Variants in PINX1 observed in about 807,000 individuals in gnomAD.
PINX1 encodes the protein PIN2/TERF1-interacting telomerase inhibitor 1.
A neutral mutation model predicts 25.4 loss-of-function variants in PINX1; 34 were observed. The observed-to-expected ratio is 1.34, with a 90% CI of 1.02 to 1.78. The LOEUF (loss-of-function observed/expected upper bound fraction) is 1.78, where lower values mean the gene tolerates loss of function less well. Ranked by LOEUF, PINX1 falls within the 40% of genes most tolerant of loss-of-function variation. The probability of loss-of-function intolerance (pLI) is 0.00; values close to 1 mark genes in which losing one functional copy is unlikely to be tolerated. For missense variants in PINX1, 592 were observed against 404.9 expected (o/e 1.46, Z -3.97); for synonymous variants, 197 against 147.7 (o/e 1.33, Z -2.42).
rs750637295 is a variant in PINX1, at chr8:10,765,801, G to A, written c.587C>T (p.Pro196Leu). The change falls in exon 7 of 7, where the codon CCA becomes CTA. Residue 196 changes from proline (P) to leucine (L), a missense_variant. By Grantham distance (98) the Pro-to-Leu change is moderately conservative. Transcript: ENST00000314787. ...CTCAGAAATGTCAGACCCTGGAACTGGAACCTGGGGCTTGTTCTTCAGTGC... is the reference window on the plus strand; with the variant it reads ...CTCAGAAATGTCAGACCCTGGAACTAGAACCTGGGGCTTGTTCTTCAGTGC... ...MAALKNKPQV[P>L]VPGSDISETQ... 3 of 1,613,934 alleles carry A rather than the reference G, an allele frequency of 1.9e-6. No individual in the cohort carries two copies. In the South Asian group the frequency reaches 3.3e-5, roughly 18 times the overall value.
In PINX1 at chr8:10,820,062, T is replaced by C. The variant is rs993509327; in HGVS notation, c.471+131A>G. On this transcript the variant is annotated intron_variant, in intron 6 of 6. Transcript: ENST00000314787. Reference sequence around the variant, plus strand: ...TATGAAAAGGATCATATCTAGGCTGTGCATGAAGCCTCCAAAGTGTTTTGG... The same window carrying C: ...TATGAAAAGGATCATATCTAGGCTGCGCATGAAGCCTCCAAAGTGTTTTGG... The C allele has an allele frequency of 4.4e-6, 3 of 682,132 alleles. No individual in the cohort carries two copies. In the Admixed American group the frequency reaches 6.3e-5, roughly 14 times the overall value. 42.3% of individuals were successfully genotyped at this position (682,132 alleles called of 1,614,324 possible). A position where few individuals can be genotyped will look rare whatever the true frequency, so the allele number is the denominator to read the frequency against.
At chr8:10,770,862 G>C (rs907031429) in intron 6 of PINX1, among the ~76,000 whole-genome samples, 1 of 152,164 alleles carries the variant, frequency 6.6e-6, no homozygotes, top group African/African-American at 2.4e-5. Flanking sequence ...TAAGTGACAG[G>C]ATGATGGAAG....
chr8:10,768,903 T>C (rs1460098257), intron 6 of PINX1, among the ~76,000 whole-genome samples: 1 of 152,222 alleles, frequency 6.6e-6, no homozygotes, highest in Non-Finnish European at 1.5e-5. Flanking sequence ...AAACAAGTAT[T>C]GAGAAAACAA....
chr8:10,769,902 T>G (rs556913140), intron 6 of PINX1, among the ~76,000 whole-genome samples: 1 of 152,258 alleles, frequency 6.6e-6, no homozygotes, highest in South Asian at 2.1e-4. Flanking sequence ...ATTGACCACA[T>G]AATCCAGAGA....
chr8:10,816,295 C>T (rs544979803), intron 6 of PINX1, among the ~76,000 whole-genome samples: 1 of 152,210 alleles, frequency 6.6e-6, no homozygotes, highest in Non-Finnish European at 1.5e-5. Context: ...GAAGGGTACA[C>T]AGAACCCCTT....
At chr8:10,821,822 A>C (rs1429008965) in intron 5 of PINX1, 1 of 152,262 alleles carries the variant, frequency 6.6e-6, no homozygotes, top group Admixed American at 6.5e-5. Context: ...AATGCAAATT[A>C]AGGTCTCTTC....
intron 1 of PINX1, among the ~76,000 whole-genome samples, chr8:10,835,830 T>C (rs527336221): frequency 6.6e-6 from 1 of 152,134 alleles, no homozygotes; most frequent in Admixed American, 6.5e-5. Flanking sequence ...TATAACTGAA[T>C]TAAGGGAACT....
intron 6 of PINX1, among the ~76,000 whole-genome samples, chr8:10,812,590 A>C (rs1797561936): frequency 1.3e-5 from 2 of 152,198 alleles, no homozygotes; most frequent in African/African-American, 4.8e-5. Flanking sequence ...TCCTTTGTCC[A>C]AACTGTCACC....
At chr8:10,807,485 A>G (rs932072384) in intron 6 of PINX1, among the ~76,000 whole-genome samples, 1 of 152,066 alleles carries the variant, frequency 6.6e-6, no homozygotes, top group South Asian at 2.1e-4. Context: ...AACTCATGAA[A>G]GGATATGAAT....
intron 1 of PINX1, 98 bp downstream of exon 1, chr8:10,839,640 G>T: frequency 3.2e-6 from 4 of 1,266,286 alleles, no homozygotes; most frequent in Non-Finnish European, 4.5e-6. Flanking sequence ...CGCCAGGCGC[G>T]CCGGCAACCC....
intron 6 of PINX1, among the ~76,000 whole-genome samples, chr8:10,770,275 G>C (rs908857935): frequency 2.0e-5 from 3 of 152,180 alleles, no homozygotes; most frequent in Non-Finnish European, 4.4e-5. Context: ...TGGTTCATGG[G>C]CGTACACTGT....
chr8:10,786,084 G>A (rs1801738872), intron 6 of PINX1, among the ~76,000 whole-genome samples: 1 of 152,204 alleles, frequency 6.6e-6, no homozygotes, highest in South Asian at 2.1e-4. Flanking sequence ...GGATCCACTA[G>A]TGCCTTTGGT....
chr8:10,823,570 G>A (rs533818854), intron 5 of PINX1, among the ~76,000 whole-genome samples: 1 of 151,984 alleles, frequency 6.6e-6, no homozygotes, highest in East Asian at 1.9e-4. Context: ...CTTTAAATAA[G>A]TATGATAAAA....
chr8:10,799,243 T>C (rs1214325094), intron 6 of PINX1, among the ~76,000 whole-genome samples: 1 of 152,204 alleles, frequency 6.6e-6, no homozygotes, highest in Non-Finnish European at 1.5e-5. Context: ...ACTTATGTTT[T>C]ATGCTGTTAA....
Position 10,774,528 on chromosome 8 carries a change from G to A in PINX1, c.472-8612C>T, listed in dbSNP as rs191951075. 9.3e-3 allele frequency among the ~76,000 whole-genome samples: 1,417 copies of A among 152,262 alleles called. 22 individuals carry two copies. Among genetic ancestry groups the A allele is most frequent in the African/African-American group, 0.032 (1,338 of 41,554 alleles). ...ACTCCCGACCTCAGGTGATCCACCC[G>A]CCTCGGCCACCCAAAGTGCTGGGAT... On this transcript the variant is annotated intron_variant, in intron 6 of 6. Coordinates refer to ENST00000314787, the MANE Select transcript of PINX1 (RefSeq NM_017884.6).
At chr8:10,792,259 A>C (rs1326104811) in intron 6 of PINX1, among the ~76,000 whole-genome samples, 1 of 151,652 alleles carries the variant, frequency 6.6e-6, no homozygotes, top group African/African-American at 2.4e-5. Context: ...TCACGTCCGC[A>C]CCCACTGCTA....
chr8:10,810,592 A>C (rs1222287668), intron 6 of PINX1, among the ~76,000 whole-genome samples: 1 of 152,174 alleles, frequency 6.6e-6, no homozygotes, highest in East Asian at 1.9e-4. Flanking sequence ...AGATATGAGG[A>C]AATATAAAAA....
chr8:10,791,532 C>T (rs936064097), intron 6 of PINX1, among the ~76,000 whole-genome samples: 1 of 152,204 alleles, frequency 6.6e-6, no homozygotes, highest in Non-Finnish European at 1.5e-5. Context: ...TGGTAAACTC[C>T]AACTGAGAAT....
At chr8:10,820,131 A>G (rs1683958825) in intron 6 of PINX1, 62 bp downstream of exon 6, 1 of 1,056,206 alleles carries the variant, frequency 9.5e-7, no homozygotes, top group African/African-American at 1.5e-5. Context: ...AAACAGTCCT[A>G]TACACAGGTG....
Sources: gnomAD v4.1 joint callset for allele counts (sites outside exome capture counted in the v4.1 genomes callset) on GRCh38, gnomAD v4.1.1 for gene constraint, MANE v1.5 for transcripts, NCBI Gene and HGNC (gene_info 2026-07-23, HGNC 2026-07-21) for gene names.